Variants in ZBTB8A observed in about 807,000 individuals in gnomAD.
The protein encoded by ZBTB8A is zinc finger and BTB domain-containing protein 8A.
ZBTB8A carries 19 observed loss-of-function variants against 37.8 expected under a neutral mutation model. The ratio of observed to expected loss-of-function variants is 0.50; its 90% CI spans 0.35 to 0.74. ZBTB8A has a LOEUF of 0.74. ZBTB8A is among the 30% of genes least tolerant of loss of function. The pLI is 0.01. For missense variants in ZBTB8A, 394 were observed against 537.8 expected, an observed-to-expected ratio of 0.73 and a Z score of 2.65; for synonymous variants, 181 against 185.2, an observed-to-expected ratio of 0.98 and a Z score of 0.19.
intron 2 of ZBTB8A, among the ~76,000 whole-genome samples, chr1:32,582,848 A>G (rs1198398597): frequency 6.6e-6 from 1 of 152,200 alleles, no homozygotes; most frequent in Non-Finnish European, 1.5e-5. Flanking sequence ...CTTTGGGCGC[A>G]TAATGAGAAT....
At position 32,593,054 on chromosome 1, in the gene ZBTB8A, A is replaced by G. The variant is rs1557717106; in HGVS notation, c.123A>G (p.Val41=). The stretch of plus-strand genomic sequence containing the variant: ...AGGTCTTCAAAGCACATCGAAATGT[A>G]TTATTCGCTAGTAGCGGCTACTTTA... ...EGKVFKAHRN[V]LFASSGYFKM... is the part of the protein sequence containing the mutation. Residue 41 remains valine, a synonymous_variant, in exon 3 of 5, where the codon GTA becomes GTG. Coordinates refer to ENST00000373510, the MANE Select transcript of ZBTB8A (RefSeq NM_001040441.3). 6.2e-7 allele frequency: 1 copy of G among 1,614,222 alleles called. No individual in the cohort carries two copies.
chr1:32,576,610 A>G (rs112063951), intron 2 of ZBTB8A, among the ~76,000 whole-genome samples: 17,692 of 152,038 alleles, frequency 0.12, 1,145 homozygotes, highest in African/African-American at 0.19. Context: ...TGTGTTTTTA[A>G]TAGAGACGGG....
At chr1:32,595,636 C>T (rs1644524720) in intron 4 of ZBTB8A, among the ~76,000 whole-genome samples, 1 of 150,462 alleles carries the variant, frequency 6.6e-6, no homozygotes, top group South Asian at 2.1e-4. Context: ...GTGGTGCCAT[C>T]TCAGCTCACT....
chr1:32,564,567 A>G (rs1008130730), intron 2 of ZBTB8A, among the ~76,000 whole-genome samples: 1 of 152,176 alleles, frequency 6.6e-6, no homozygotes, highest in African/African-American at 2.4e-5. Flanking sequence ...CCTTTGACCT[A>G]TAACCTCTTC....
chr1:32,595,729 A>G (rs1371391620), intron 4 of ZBTB8A, among the ~76,000 whole-genome samples: 14 of 150,900 alleles, frequency 9.3e-5, no homozygotes, highest in South Asian at 2.1e-4. Context: ...AGCTCACTGC[A>G]GCCGCGACTT....
intron 1 of ZBTB8A, among the ~76,000 whole-genome samples, chr1:32,539,990 G>GGGCCGGAGTCTCTGCGGGCGC (rs1644039329): frequency 6.6e-6 from 1 of 151,630 alleles, no homozygotes; most frequent in South Asian, 2.1e-4. Flanking sequence ...GGCAGGGCCG[G>GGGCCGGAGTCTCTGCGGGCGC]GGCCGGAGTC....
At chr1:32,599,854 A>G (rs1258956010) in intron 4 of ZBTB8A, among the ~76,000 whole-genome samples, 3 of 152,196 alleles carry the variant, frequency 2.0e-5, no homozygotes, top group East Asian at 3.8e-4. Context: ...TGAAATTATT[A>G]TGTCATATTA....
chr1:32,598,223 A>ATTTTTTTT (rs762801492), intron 4 of ZBTB8A, among the ~76,000 whole-genome samples: 3 of 86,018 alleles, frequency 3.5e-5, no homozygotes, highest in Non-Finnish European at 4.5e-5. Flanking sequence ...GCTTTCTTGG[A>ATTTTTTTT]TTTTTTTTTT....
At chr1:32,551,916 A>G (rs1373285015) in intron 1 of ZBTB8A, among the ~76,000 whole-genome samples, 1 of 151,706 alleles carries the variant, frequency 6.6e-6, no homozygotes, top group Non-Finnish European at 1.5e-5. Context: ...TTTTCAAGAT[A>G]TGTTGAATTT....
intron 1 of ZBTB8A, among the ~76,000 whole-genome samples, chr1:32,540,584 C>T (rs1031562079): frequency 6.6e-6 from 1 of 152,140 alleles, no homozygotes; most frequent in African/African-American, 2.4e-5. Context: ...TGTTCCCGCC[C>T]TGCCTTCCCT....
rs565695717 is a variant in ZBTB8A, at chr1:32,557,718, C to A, written c.-2+4178C>A. Among the ~76,000 whole-genome samples, 6 of 152,262 alleles carry A rather than the reference C, an allele frequency of 3.9e-5. No homozygotes were observed. In the South Asian group the frequency reaches 1.2e-3, roughly 32 times the overall value. On this transcript the variant is annotated intron_variant, in intron 2 of 4. Transcript: ENST00000373510. ...GAGCTCAAACATCTACCTGCTTCAG[C>A]CTCCCAAAGTGCTGGGATTATAGGT... is the stretch of plus-strand genomic sequence containing the variant.
intron 4 of ZBTB8A, among the ~76,000 whole-genome samples, chr1:32,596,593 A>C (rs1302217472): frequency 6.8e-6 from 1 of 148,134 alleles, no homozygotes; most frequent in Non-Finnish European, 1.5e-5. Flanking sequence ...ACAAAAAACA[A>C]ACAAAAAAAA....
In ZBTB8A at chr1:32,593,404, G is replaced by A; in HGVS notation, c.473G>A (p.Gly158Glu). Reference protein sequence around the residue: ...SSFYSGGWQEGSSSPRSHLSP... With the variant: ...SSFYSGGWQEESSSPRSHLSP... The stretch of plus-strand genomic sequence containing the variant: ...TTTTATAGTGGTGGCTGGCAAGAAG[G>A]AAGCAGTTCTCCACGTTCTCACCTA... Residue 158 changes from glycine (G) to glutamate (E), a missense_variant, in exon 3 of 5, where the codon GGA (glycine) becomes GAA (glutamate). Physicochemically the swap from Gly to Glu is moderately conservative, Grantham distance 98. This residue lies in a region of ZBTB8A where 171 missense variants were observed against 186.8 expected (regional missense o/e 0.92). Coordinates refer to ENST00000373510, the MANE Select transcript of ZBTB8A (RefSeq NM_001040441.3). The A allele has an allele frequency of 1.2e-6, 2 of 1,614,058 alleles. No individual in the cohort carries two copies. Among genetic ancestry groups the A allele is most frequent in the Non-Finnish European group, 8.5e-7 (1 of 1,180,018 alleles).
At position 32,542,347 on chromosome 1, in the gene ZBTB8A, G is replaced by A. The variant is rs549953580; in HGVS notation, c.-84+2775G>A. Reference sequence around the variant, plus strand: ...AGGCCTCGGGGGTCGGGGGGGCGGGGTGTGGATCACGAGGTCAGGAGTTCG... The same window carrying A: ...AGGCCTCGGGGGTCGGGGGGGCGGGATGTGGATCACGAGGTCAGGAGTTCG... On this transcript the variant is annotated intron_variant, in intron 1 of 4. Transcript: ENST00000373510. 4.6e-5 allele frequency among the ~76,000 whole-genome samples: 7 copies of A among 150,764 alleles called. No homozygotes were observed. In the East Asian group the frequency reaches 1.4e-3, roughly 30 times the overall value.
chr1:32,593,645 C>T lies in ZBTB8A; in HGVS notation c.714C>T (p.Ser238=). ...AAGTACGAACATCTGATTCTTCCAG[C>T]CATGTTTCCCAGTCTGAAGAACAAG... is the stretch of plus-strand genomic sequence containing the variant. ...KREVRTSDSS[S]HVSQSEEQAQ... is the part of the protein sequence containing the mutation. The change falls in exon 3 of 5, where the codon AGC becomes AGT. Residue 238 remains serine, a synonymous_variant. Coordinates refer to ENST00000373510, the MANE Select transcript of ZBTB8A (RefSeq NM_001040441.3). 6.2e-7 allele frequency: 1 copy of T among 1,614,156 alleles called. No individual in the cohort carries two copies. Among genetic ancestry groups the T allele is most frequent in the Non-Finnish European group, 8.5e-7 (1 of 1,180,024 alleles).
intron 2 of ZBTB8A, among the ~76,000 whole-genome samples, chr1:32,588,253 A>G (rs1485728742): frequency 6.6e-6 from 1 of 152,088 alleles, no homozygotes; most frequent in African/African-American, 2.4e-5. Context: ...CTGCATCAGA[A>G]GTTGGGGGAT....
At chr1:32,543,218 G>T (rs909469470) in intron 1 of ZBTB8A, among the ~76,000 whole-genome samples, 3 of 151,888 alleles carry the variant, frequency 2.0e-5, no homozygotes, top group African/African-American at 7.3e-5. Context: ...CAAGCAGCTG[G>T]GATTACAGGC....
At chr1:32,545,684 A>G (rs763575098) in intron 1 of ZBTB8A, among the ~76,000 whole-genome samples, 135 of 152,108 alleles carry the variant, frequency 8.9e-4, no homozygotes, top group Admixed American at 2.6e-4. Flanking sequence ...AGCTATAGCA[A>G]ACTTCTTACC....
At chr1:32,593,930 G>A (rs1644509803) in intron 3 of ZBTB8A, among the ~76,000 whole-genome samples, 176 bp downstream of exon 3, 1 of 152,026 alleles carries the variant, frequency 6.6e-6, no homozygotes. Context: ...GGTGGCTCAC[G>A]CCTGTGATTC....
Sources: gnomAD v4.1 joint callset for allele counts (sites outside exome capture counted in the v4.1 genomes callset) on GRCh38, gnomAD v4.1.1 for gene constraint, gnomAD v4.1.1 regional missense constraint, MANE v1.5 for transcripts, NCBI Gene and HGNC (gene_info 2026-07-23, HGNC 2026-07-21) for gene names.